Variants in KCNIP4 observed in about 807,000 individuals in gnomAD.
KCNIP4 encodes potassium voltage-gated channel interacting protein 4, also known as Kv channel-interacting protein 4.
In KCNIP4, 12 loss-of-function variants were observed where a neutral mutation model predicts 34.0. That is an observed-to-expected ratio of 0.35 (90% CI 0.23 to 0.57). The LOEUF is 0.57. Among genes scored for constraint, KCNIP4 ranks in the 20% least tolerant of loss-of-function variants. The probability of loss-of-function intolerance (pLI) is 0.83; values close to 1 mark genes in which losing one functional copy is unlikely to be tolerated. For synonymous variants in KCNIP4, 124 were observed against 102.2 expected (o/e 1.21, Z -1.29); for missense variants, 238 against 311.7 (o/e 0.76, Z 1.78).
chr4:21,041,397 C>T (rs995079868), intron 1 of KCNIP4, among the ~76,000 whole-genome samples: 2 of 152,122 alleles, frequency 1.3e-5, no homozygotes, highest in African/African-American at 4.8e-5. Context: ...ATAAAGTGTG[C>T]TATTAGAGGT....
intron 1 of KCNIP4, among the ~76,000 whole-genome samples, chr4:21,337,467 T>C (rs547363658): frequency 4.6e-5 from 7 of 152,312 alleles, no homozygotes; most frequent in African/African-American, 1.7e-4. Context: ...GGAGTCTCCT[T>C]GCGTGCAAGC....
At chr4:21,666,226 G>A (rs1406766095) in intron 1 of KCNIP4, among the ~76,000 whole-genome samples, 1 of 152,226 alleles carries the variant, frequency 6.6e-6, no homozygotes, top group Non-Finnish European at 1.5e-5. Flanking sequence ...AGGTAACACT[G>A]CTTCTCTGAT....
rs546549873 is a variant in KCNIP4, at chr4:20,784,472, T to C, written c.289-25582A>G. Reference sequence around the variant, plus strand: ...ATAATATTCTTTAATAAAGTTGTGGTTATTGGACTAGCACAGTAGCCAAAT... The same window carrying C: ...ATAATATTCTTTAATAAAGTTGTGGCTATTGGACTAGCACAGTAGCCAAAT... On this transcript the variant is annotated intron_variant, in intron 3 of 8. Transcript: ENST00000382152. Among the ~76,000 whole-genome samples, 9 of 152,312 alleles carry C rather than the reference T, an allele frequency of 5.9e-5. No homozygotes were observed. The East Asian group carries it at 1.7e-3, about 29-fold the overall frequency.
intron 1 of KCNIP4, among the ~76,000 whole-genome samples, chr4:21,504,518 A>AG (rs1489354001): frequency 7.9e-5 from 12 of 151,388 alleles, no homozygotes; most frequent in East Asian, 2.0e-4. Context: ...GAAGGAAGGA[A>AG]GAAAGCAAGC....
chr4:20,897,192 C>A (rs1031384291), intron 1 of KCNIP4, among the ~76,000 whole-genome samples: 21 of 152,154 alleles, frequency 1.4e-4, no homozygotes, highest in African/African-American at 5.1e-4. Context: ...CACTAACAGC[C>A]AAATTCCCTA....
At chr4:21,259,565 T>C (rs1761313772) in intron 1 of KCNIP4, among the ~76,000 whole-genome samples, 2 of 152,174 alleles carry the variant, frequency 1.3e-5, no homozygotes, top group Non-Finnish European at 2.9e-5. Context: ...GGTTGTATGC[T>C]GGAACTCTTG....
chr4:21,513,063 C>T (rs1191362500), intron 1 of KCNIP4, among the ~76,000 whole-genome samples: 1 of 152,172 alleles, frequency 6.6e-6, no homozygotes, highest in East Asian at 1.9e-4. Context: ...GCTACCATTG[C>T]CATTCCACCT....
intron 1 of KCNIP4, among the ~76,000 whole-genome samples, chr4:21,742,761 A>G (rs2109131206): frequency 6.6e-6 from 1 of 152,308 alleles, no homozygotes; most frequent in South Asian, 2.1e-4. Context: ...TTATATGTAC[A>G]TGGGAAAATA....
At chr4:21,888,226 T>A (rs762497543) in intron 1 of KCNIP4, among the ~76,000 whole-genome samples, 8 of 152,078 alleles carry the variant, frequency 5.3e-5, no homozygotes, top group Non-Finnish European at 1.2e-4. Context: ...TAAGGATAAA[T>A]ACAACAAGTT....
intron 1 of KCNIP4, among the ~76,000 whole-genome samples, chr4:21,895,506 T>C (rs1340521203): frequency 1.3e-5 from 2 of 152,162 alleles, no homozygotes; most frequent in South Asian, 2.1e-4. Context: ...AACCTCTCTA[T>C]GTCAGTATTA....
intron 4 of KCNIP4, among the ~76,000 whole-genome samples, chr4:20,754,487 A>G (rs562461679): frequency 6.6e-6 from 1 of 152,322 alleles, no homozygotes; most frequent in African/African-American, 2.4e-5. Flanking sequence ...CTGCCATCAG[A>G]GATCACATTC....
At chr4:20,922,585 C>T (rs1577372139) in intron 1 of KCNIP4, among the ~76,000 whole-genome samples, 1 of 148,724 alleles carries the variant, frequency 6.7e-6, no homozygotes, top group South Asian at 2.2e-4. Context: ...ATCTATCTAT[C>T]TCCTATTGGT....
At chr4:20,882,822 C>G (rs1724846723) in intron 1 of KCNIP4, 113 bp from the exon 2 acceptor site, 1 of 666,594 alleles carries the variant, frequency 1.5e-6, no homozygotes, top group Admixed American at 2.7e-5. Flanking sequence ...GCCATCCACT[C>G]AGGCAATCAC....
chr4:21,306,837 T>C (rs994287030), intron 1 of KCNIP4, among the ~76,000 whole-genome samples: 1 of 151,880 alleles, frequency 6.6e-6, no homozygotes, highest in Non-Finnish European at 1.5e-5. Context: ...TTTTTTTTCT[T>C]GAGATGGTGT....
At chr4:21,338,266 A>AC (rs1185435858) in intron 1 of KCNIP4, among the ~76,000 whole-genome samples, 1 of 132,132 alleles carries the variant, frequency 7.6e-6, no homozygotes, top group East Asian at 3.3e-4. Context: ...CTCCTTCTCA[A>AC]AAAAAAAAAA....
At position 21,334,322 on chromosome 4, in the gene KCNIP4, CA is replaced by C. The variant is rs560409973; in HGVS notation, c.62-451614del. On this transcript the variant is annotated intron_variant, in intron 1 of 8. Coordinates refer to ENST00000382152, the MANE Select transcript of KCNIP4 (RefSeq NM_025221.6). ...AATGCCCACTATGTACTAAGATCTC[CA>C]AAAAAATAATGTTAACTTTGGCTTC... Among the ~76,000 whole-genome samples the C allele has an allele frequency of 2.1e-3, 326 of 151,770 alleles. 1 individual carries two copies. Among genetic ancestry groups the C allele is most frequent in the Non-Finnish European group, 3.4e-3 (234 of 67,874 alleles).
chr4:20,803,472 A>C, intron 3 of KCNIP4, among the ~76,000 whole-genome samples: 1 of 10,052 alleles, frequency 9.9e-5, no homozygotes, highest in Non-Finnish European at 1.8e-4. Context: ...ATCTTTACCA[A>C]AAAAAAAAAA....
At chr4:21,084,999 A>G (rs1028384312) in intron 1 of KCNIP4, among the ~76,000 whole-genome samples, 1 of 151,940 alleles carries the variant, frequency 6.6e-6, no homozygotes, top group Non-Finnish European at 1.5e-5. Flanking sequence ...ATTATTATAT[A>G]TCTACATTAA....
At chr4:20,929,021 T>C (rs1730172012) in intron 1 of KCNIP4, among the ~76,000 whole-genome samples, 1 of 151,908 alleles carries the variant, frequency 6.6e-6, no homozygotes, top group Non-Finnish European at 1.5e-5. Context: ...AAGAAATACC[T>C]GCAAACACAT....
Sources: allele counts gnomAD v4.1 joint callset (sites outside exome capture counted in the v4.1 genomes callset), GRCh38; gene constraint gnomAD v4.1.1; transcripts MANE v1.5; gene names NCBI Gene and HGNC (gene_info 2026-07-23, HGNC 2026-07-21).